The following IQUB variants were observed in gnomAD, a reference collection of about 807,000 sequenced individuals.
IQUB encodes the protein IQ motif and ubiquitin domain containing.
A neutral mutation model predicts 86.4 loss-of-function variants in IQUB; 86 were observed. The observed-to-expected ratio is 1.00, with a 90% confidence interval of 0.84 to 1.19. The LOEUF (loss-of-function observed/expected upper bound fraction) is 1.19, where lower values mean the gene tolerates loss of function less well. Ranked by LOEUF, IQUB falls within the 50% of genes most tolerant of loss-of-function variation. The pLI is 0.00. For missense variants in IQUB, 946 were observed against 916.9 expected (o/e 1.03, Z -0.41); for synonymous variants, 289 against 304.5 (o/e 0.95, Z 0.53).
In IQUB at chr7:123,503,260, G is replaced by A; in HGVS notation, c.636C>T (p.Val212=). The change falls in exon 4 of 13, where the codon GTC becomes GTT. Residue 212 remains valine (V), a synonymous_variant. Transcript: ENST00000324698. ...CATCAGTTAATCCATCTATTCTTCT[G>A]ACTGGATACAGATCTGGATTTGTAG... is the stretch of plus-strand genomic sequence containing the variant. ...IFSTNPDLYP[V]RRIDGLTDVS... 1 of 1,610,956 alleles carries A rather than the reference G, an allele frequency of 6.2e-7. No individual in the cohort carries two copies. The highest frequency in any genetic ancestry group is 8.5e-7 in the Non-Finnish European group (1 of 1,177,498).
intron 6 of IQUB, among the ~76,000 whole-genome samples, chr7:123,500,373 T>C (rs1458169323): frequency 6.6e-6 from 1 of 151,866 alleles, no homozygotes; most frequent in Admixed American, 6.6e-5. Context: ...AAAAGAAACA[T>C]TTATTCAAAC....
chr7:123,467,947 G>A (rs1441539129), intron 9 of IQUB, among the ~76,000 whole-genome samples: 2 of 152,176 alleles, frequency 1.3e-5, no homozygotes, highest in Non-Finnish European at 2.9e-5. Context: ...CCTAAGCTCC[G>A]CAGGCCAAGA....
At chr7:123,513,359 T>C (rs1584634745) in intron 1 of IQUB, among the ~76,000 whole-genome samples, 1 of 152,152 alleles carries the variant, frequency 6.6e-6, no homozygotes. Context: ...TGATTTTATA[T>C]AGAATGATGC....
intron 1 of IQUB, among the ~76,000 whole-genome samples, chr7:123,524,138 G>C (rs200536322): frequency 0.15 from 21,124 of 145,418 alleles, 1,588 homozygotes; most frequent in African/African-American, 0.17. Context: ...CAGGTAGTGT[G>C]ATGCCTCCAG....
At chr7:123,474,922 C>G (rs921754531) in intron 8 of IQUB, among the ~76,000 whole-genome samples, 15 of 152,214 alleles carry the variant, frequency 9.9e-5, no homozygotes, top group Admixed American at 7.2e-4. Context: ...CAAAACACCT[C>G]TGCCTTGATT....
intron 8 of IQUB, among the ~76,000 whole-genome samples, chr7:123,472,207 C>T (rs1794553109): frequency 6.7e-6 from 1 of 149,570 alleles, no homozygotes; most frequent in Non-Finnish European, 1.5e-5. Context: ...CACTGCACTC[C>T]AGCCTGGGCA....
chr7:123,453,914 T>G (rs1238667408), intron 12 of IQUB, among the ~76,000 whole-genome samples: 1 of 152,154 alleles, frequency 6.6e-6, no homozygotes. Context: ...ATCTATTACC[T>G]ATTAATCTTA....
At chr7:123,457,733 G>C (rs1793779786) in intron 11 of IQUB, among the ~76,000 whole-genome samples, 167 bp from the exon 12 acceptor site, 1 of 151,844 alleles carries the variant, frequency 6.6e-6, no homozygotes, top group Non-Finnish European at 1.5e-5. Flanking sequence ...TGTTCATTTT[G>C]CCTAAACTAC....
Position 123,502,926 on chromosome 7 carries a change from G to A in IQUB, c.867+18C>T, listed in dbSNP as rs372404366. 109 of 1,590,902 alleles carry A rather than the reference G, an allele frequency of 6.9e-5. No homozygotes were observed. In the African/African-American group the frequency reaches 1.3e-3, roughly 20 times the overall value. ...GTCTATACCTTCAAAAACCTAAAGA[G>A]ACAAATAAAAACATTACCTGCGTAT... On this transcript the variant is annotated intron_variant, in intron 5 of 12. Transcript: ENST00000324698.
rs1425946385 is a variant in IQUB at position 123,502,640 on chromosome 7, T to C, written c.980A>G (p.Lys327Arg). ...NMTDKLVTPG[K>R]YFSAAEYHAQ... ...ATGGTATTCTGCTGCTGAAAAATAC[T>C]TTCCTGGTGTTACCAGTTTATCAGT... Residue 327 changes from lysine (K) to arginine (R), a missense_variant, in exon 6 of 13, where the codon AAG (lysine) becomes AGG (arginine). By Grantham distance (26) the Lys-to-Arg change is conservative. Coordinates refer to ENST00000324698, the MANE Select transcript of IQUB (RefSeq NM_178827.5). 6.2e-7 allele frequency: 1 copy of C among 1,612,970 alleles called. No homozygotes were observed. The highest frequency in any genetic ancestry group is 1.1e-5 in the South Asian group (1 of 90,718).
chr7:123,471,934 G>C (rs559735764), intron 8 of IQUB, among the ~76,000 whole-genome samples: 1 of 152,090 alleles, frequency 6.6e-6, no homozygotes, highest in Non-Finnish European at 1.5e-5. Context: ...TCTCCCAAAA[G>C]AGTATGAGAA....
At chr7:123,504,930 A>G (rs1311810557) in intron 3 of IQUB, among the ~76,000 whole-genome samples, 1 of 152,224 alleles carries the variant, frequency 6.6e-6, no homozygotes, top group Non-Finnish European at 1.5e-5. Flanking sequence ...CCTTCCACCT[A>G]TGAGCCTATA....
chr7:123,484,844 T>C (rs1795152663), intron 7 of IQUB, among the ~76,000 whole-genome samples: 1 of 152,100 alleles, frequency 6.6e-6, no homozygotes, highest in Admixed American at 6.6e-5. Flanking sequence ...TAAAATTCTC[T>C]ATTAGATGAA....
At chr7:123,533,297 C>T (rs1797628181) in intron 1 of IQUB, among the ~76,000 whole-genome samples, 1 of 152,196 alleles carries the variant, frequency 6.6e-6, no homozygotes, top group Non-Finnish European at 1.5e-5. Context: ...TTAGAATGGA[C>T]AAGTCAAAGG....
At chr7:123,529,749 A>AAAAAAC (rs1797436938) in intron 1 of IQUB, among the ~76,000 whole-genome samples, 1 of 149,150 alleles carries the variant, frequency 6.7e-6, no homozygotes, top group South Asian at 2.1e-4. Context: ...AAAAAAAAAA[A>AAAAAAC]AACAGGCTAG....
Position 123,503,021 on chromosome 7 carries a change from C to G in IQUB, c.790G>C (p.Glu264Gln), listed in dbSNP as rs1457638971. 1 of 1,612,956 alleles carries G rather than the reference C, an allele frequency of 6.2e-7. No homozygotes were observed. The highest frequency in any genetic ancestry group is 8.5e-7 in the Non-Finnish European group (1 of 1,179,260). The change falls in exon 5 of 13, where the codon GAG becomes CAG. Residue 264 changes from glutamate to glutamine, a missense_variant. Transcript: ENST00000324698. ...GGFRHKVTGVEYHNAGTQTVP... is the reference protein window; with the variant it reads ...GGFRHKVTGVQYHNAGTQTVP... Reference sequence around the variant, plus strand: ...GTTTGTGTTCCAGCATTGTGATACTCTACTCCTGTTACTTTATGTCTGAAT... The same window carrying G: ...GTTTGTGTTCCAGCATTGTGATACTGTACTCCTGTTACTTTATGTCTGAAT...
rs574386013 is a variant in IQUB at position 123,485,715 on chromosome 7, A to G, written c.1235-5745T>C. On this transcript the variant is annotated intron_variant, in intron 7 of 12. Transcript: ENST00000324698. ...CAAGCAAGAAATAGCAGAACATACA[A>G]TATTTTGTCTACCATTGGCAGTTTT... Among the ~76,000 whole-genome samples the G allele has an allele frequency of 5.3e-5, 8 of 152,286 alleles. No homozygotes were observed. In the South Asian group the frequency reaches 6.2e-4, roughly 12 times the overall value.
chr7:123,459,279 G>T (rs1793870640), intron 11 of IQUB, among the ~76,000 whole-genome samples: 1 of 151,988 alleles, frequency 6.6e-6, no homozygotes, highest in South Asian at 2.1e-4. Flanking sequence ...TCAACTTGAT[G>T]ATGCCACCGG....
intron 2 of IQUB, 47 bp from the exon 3 acceptor site, chr7:123,510,082 G>C (rs746370126): frequency 7.7e-7 from 1 of 1,297,254 alleles, no homozygotes; most frequent in Non-Finnish European, 1.1e-6. Flanking sequence ...ATATAGCAAA[G>C]GTCAGCAAAC....
Sources: allele counts gnomAD v4.1 joint callset (sites outside exome capture counted in the v4.1 genomes callset), GRCh38; gene constraint gnomAD v4.1.1; transcripts MANE v1.5; gene names NCBI Gene and HGNC (gene_info 2026-07-23, HGNC 2026-07-21).